KLHL4: variants seen among roughly 807,000 people sequenced by gnomAD.
KLHL4 encodes kelch-like protein 4.
KLHL4 carries 17 observed loss-of-function variants against 45.8 expected under a neutral mutation model. That is an observed-to-expected ratio of 0.37 (90% confidence interval 0.25 to 0.56). KLHL4 has a LOEUF of 0.56. Ranked by LOEUF, KLHL4 falls within the 20% of genes least tolerant of loss-of-function variation. KLHL4 has a pLI of 0.79. For synonymous variants in KLHL4, 224 were observed against 189.9 expected, an observed-to-expected ratio of 1.18 and a Z score of -1.47; for missense variants, 544 against 544.9, an observed-to-expected ratio of 1.00 and a Z score of 0.02.
At chrX:87,588,395 A>C (rs756073387) in intron 1 of KLHL4, among the ~76,000 whole-genome samples, 1 of 112,130 alleles carries the variant, frequency 8.9e-6, no homozygotes, top group Non-Finnish European at 1.9e-5. Flanking sequence ...ACTTCAAATT[A>C]TACTGCAAAG....
At chrX:87,605,780 T>C (rs1421568535) in intron 1 of KLHL4, among the ~76,000 whole-genome samples, 3 of 111,536 alleles carry the variant, frequency 2.7e-5, no homozygotes, top group Non-Finnish European at 5.7e-5. Flanking sequence ...GTGGTAACAG[T>C]GGTCATCTAT....
At chrX:87,539,996 G>GTTTT (rs1931516450) in intron 1 of KLHL4, among the ~76,000 whole-genome samples, 1 of 111,702 alleles carries the variant, frequency 9.0e-6, no homozygotes, top group Non-Finnish European at 1.9e-5. Flanking sequence ...AACCTGTGTA[G>GTTTT]GATATTACAG....
intron 1 of KLHL4, among the ~76,000 whole-genome samples, chrX:87,605,226 G>A (rs763608715): frequency 3.7e-4 from 41 of 111,167 alleles, no homozygotes; most frequent in African/African-American, 5.2e-4. Context: ...TTTTCGCTCA[G>A]GATTCCTTTG....
intron 1 of KLHL4, among the ~76,000 whole-genome samples, chrX:87,537,445 G>T (rs998289600): frequency 9.1e-6 from 1 of 110,461 alleles, no homozygotes; most frequent in African/African-American, 3.3e-5. Flanking sequence ...TTACAACAAT[G>T]ATTCGATGAC....
rs1924479753 is a variant in KLHL4 at position 87,669,130 on chromosome X, G to T, written c.*2596G>T. ...GGGCTAGTTTAAACAAATGTGTATA[G>T]GAAAGGATGTTATTTATATATTCTT... On this transcript the variant is annotated 3_prime_UTR_variant, in exon 11 of 11. Coordinates refer to ENST00000373119, the MANE Select transcript of KLHL4 (RefSeq NM_019117.5). 1 of 1,010,259 alleles carries T rather than the reference G, an allele frequency of 9.9e-7. No homozygotes were observed. 83.3% of individuals were successfully genotyped at this position (1,010,259 alleles called of 1,213,427 possible).
intron 1 of KLHL4, among the ~76,000 whole-genome samples, chrX:87,548,640 G>A (rs1434863424): frequency 9.1e-6 from 1 of 110,452 alleles, no homozygotes; most frequent in Non-Finnish European, 1.9e-5. Context: ...TGAAGTTAAG[G>A]TGGGTTTAAA....
chrX:87,549,391 A>G (rs1260567803), intron 1 of KLHL4, among the ~76,000 whole-genome samples: 1 of 111,534 alleles, frequency 9.0e-6, no homozygotes, highest in African/African-American at 3.2e-5. Context: ...ACAAAGAAAC[A>G]TTAGATTTAA....
rs1196312263 is a variant in KLHL4, at chrX:87,668,814, C to T, written c.*2280C>T. On this transcript the variant is annotated 3_prime_UTR_variant, in exon 11 of 11. Transcript: ENST00000373119. ...TGACAGCTCTTACCAACAAGAAGGC[C>T]ATCCCAGATATGGCCTCTCAACCTC... The T allele has an allele frequency of 6.9e-6, 2 of 290,718 alleles. No individual in the cohort carries two copies. Among genetic ancestry groups the T allele is most frequent in the Non-Finnish European group, 4.6e-6 (1 of 215,613 alleles). The allele number at this position is 290,718 out of a possible 1,213,427, so 24.0% of individuals were successfully genotyped here.
chrX:87,521,245 C>G (rs1008998135), intron 1 of KLHL4, among the ~76,000 whole-genome samples: 1 of 111,653 alleles, frequency 9.0e-6, no homozygotes, highest in East Asian at 2.8e-4. Context: ...TTACTAGAGC[C>G]CTTTCCAAGT....
intron 1 of KLHL4, among the ~76,000 whole-genome samples, chrX:87,533,299 C>T (rs2147768195): frequency 1.0e-5 from 1 of 99,883 alleles, no homozygotes; most frequent in African/African-American, 3.7e-5. Flanking sequence ...GACTTGGAAC[C>T]AACCCAAATG....
intron 9 of KLHL4, among the ~76,000 whole-genome samples, chrX:87,640,829 G>A (rs906912680): frequency 9.0e-6 from 1 of 111,589 alleles, no homozygotes; most frequent in Non-Finnish European, 1.9e-5. Context: ...AGTATTGGAA[G>A]TCCTAGCCAG....
chrX:87,647,271 C>A (rs970350294), intron 9 of KLHL4, among the ~76,000 whole-genome samples: 3 of 111,792 alleles, frequency 2.7e-5, no homozygotes, highest in African/African-American at 9.7e-5. Context: ...AATGGGAACA[C>A]TTTACACTAT....
intron 9 of KLHL4, among the ~76,000 whole-genome samples, chrX:87,656,739 C>A (rs1479787918): frequency 9.0e-6 from 1 of 110,781 alleles, no homozygotes; most frequent in Non-Finnish European, 1.9e-5. Flanking sequence ...TAGTGCAATG[C>A]TTTAGGGTTA....
Position 87,669,798 on chromosome X carries a change from C to T in KLHL4, c.*3264C>T, listed in dbSNP as rs753687879. The T allele has an allele frequency of 8.7e-6, 1 of 115,514 alleles. No individual in the cohort carries two copies. The highest frequency in any genetic ancestry group is 9.0e-5 in the Admixed American group (1 of 11,056). The allele number at this position is 115,514 out of a possible 1,213,427, so 9.5% of individuals were successfully genotyped here. Reference sequence around the variant, plus strand: ...AAATGATGGAAGGAGCATCTCCCCTCTTGTCTGTGGAAGATATCACATGAA... The same window carrying T: ...AAATGATGGAAGGAGCATCTCCCCTTTTGTCTGTGGAAGATATCACATGAA... On this transcript the variant is annotated 3_prime_UTR_variant, in exon 11 of 11. Coordinates refer to ENST00000373119, the MANE Select transcript of KLHL4 (RefSeq NM_019117.5).
At chrX:87,592,003 C>A (rs757628186) in intron 1 of KLHL4, among the ~76,000 whole-genome samples, 15 of 110,245 alleles carry the variant, frequency 1.4e-4, no homozygotes, top group Middle Eastern at 4.7e-3. Flanking sequence ...CTTCCCCCCC[C>A]ACCCCCACTA....
At chrX:87,655,025 A>G (rs1229611212) in intron 9 of KLHL4, among the ~76,000 whole-genome samples, 1 of 111,865 alleles carries the variant, frequency 8.9e-6, no homozygotes, top group Non-Finnish European at 1.9e-5. Context: ...GAGATGTTTG[A>G]GTTCCTTCTA....
intron 8 of KLHL4, 94 bp from the exon 9 acceptor site, chrX:87,635,469 T>C: frequency 3.1e-6 from 2 of 638,809 alleles, no homozygotes; most frequent in Non-Finnish European, 4.8e-6. Context: ...AAAAGCTTTG[T>C]ACAAAGTTCT....
chrX:87,572,797 A>T (rs947863488), intron 1 of KLHL4, among the ~76,000 whole-genome samples: 4 of 98,149 alleles, frequency 4.1e-5, no homozygotes, highest in Non-Finnish European at 8.1e-5. Flanking sequence ...AGTATAATAA[A>T]AAAAAAAAAC....
intron 4 of KLHL4, among the ~76,000 whole-genome samples, chrX:87,620,533 A>T (rs1311956127): frequency 9.0e-6 from 1 of 111,725 alleles, no homozygotes; most frequent in Non-Finnish European, 1.9e-5. Flanking sequence ...TTAATTGGAG[A>T]GTGGGTAAAA....
Sources: allele counts gnomAD v4.1 joint callset (sites outside exome capture counted in the v4.1 genomes callset), GRCh38; gene constraint gnomAD v4.1.1; transcripts MANE v1.5; gene names NCBI Gene and HGNC (gene_info 2026-07-23, HGNC 2026-07-21).